The following FBXL17 variants were observed in gnomAD, a reference collection of about 807,000 sequenced individuals.
The protein encoded by FBXL17 is F-box and leucine rich repeat protein 17, also known as F-box/LRR-repeat protein 17.
A neutral mutation model predicts 66.2 loss-of-function variants in FBXL17; 22 were observed. The observed-to-expected ratio is 0.33, with a 90% CI of 0.24 to 0.47. The LOEUF (loss-of-function observed/expected upper bound fraction) is 0.47, where lower values mean the gene tolerates loss of function less well. Among genes scored for constraint, FBXL17 ranks in the 20% least tolerant of loss-of-function variants. The pLI is 1.00. For synonymous variants in FBXL17, 474 were observed against 400.5 expected, an observed-to-expected ratio of 1.18 and a Z score of -2.19; for missense variants, 878 against 948.2, an observed-to-expected ratio of 0.93 and a Z score of 0.97.
At chr5:108,297,798 T>G (rs1758409833) in intron 4 of FBXL17, 1 of 754,350 alleles carries the variant, frequency 1.3e-6, no homozygotes, top group Admixed American at 6.3e-5. Flanking sequence ...TTATTCCAAC[T>G]TAACTCATGC....
chr5:108,299,293 A>T (rs17452357), intron 4 of FBXL17: 151,599 of 984,448 alleles, frequency 0.15, 12,171 homozygotes, highest in Non-Finnish European at 0.16. Flanking sequence ...TCCAAATTAA[A>T]CCTGAGGTTC....
chr5:108,223,839 A>C (rs1397350197), intron 5 of FBXL17, among the ~76,000 whole-genome samples: 1 of 152,078 alleles, frequency 6.6e-6, no homozygotes, highest in Non-Finnish European at 1.5e-5. Context: ...TTCTAAGCAC[A>C]ATATATTAAC....
chr5:107,911,319 G>A (rs183898914), intron 7 of FBXL17, among the ~76,000 whole-genome samples: 14 of 152,088 alleles, frequency 9.2e-5, no homozygotes, highest in Admixed American at 2.0e-4. Flanking sequence ...TTCATGTTTC[G>A]TGTATTAAAA....
chr5:108,380,473 T>C (rs550825178), intron 1 of FBXL17, among the ~76,000 whole-genome samples: 8 of 152,306 alleles, frequency 5.3e-5, no homozygotes, highest in African/African-American at 1.9e-4. Context: ...TGGTGGGTTA[T>C]AGAGTCAAGC....
chr5:107,982,817 C>T (rs1258294643), intron 7 of FBXL17, among the ~76,000 whole-genome samples: 5 of 152,130 alleles, frequency 3.3e-5, no homozygotes, highest in African/African-American at 1.2e-4. Context: ...TCTGGCAGCA[C>T]TTCCATTATA....
chr5:107,936,871 T>G (rs1421237497), intron 7 of FBXL17, among the ~76,000 whole-genome samples: 1 of 152,108 alleles, frequency 6.6e-6, no homozygotes, highest in Non-Finnish European at 1.5e-5. Context: ...AGAAACAAGA[T>G]GAACAGCTTT....
intron 8 of FBXL17, among the ~76,000 whole-genome samples, chr5:107,873,830 G>A (rs970073060): frequency 6.6e-6 from 1 of 152,206 alleles, no homozygotes; most frequent in Non-Finnish European, 1.5e-5. Context: ...GCTCCAGGGT[G>A]CCTTCAGGCA....
rs998460457 is a variant in FBXL17, at chr5:107,859,658, C to A, written c.*2062G>T. ...ATACATTCTGAAACCATTTGACAAC[C>A]AAACTGTAACACTCCAAAGGTTATT... On this transcript the variant is annotated 3_prime_UTR_variant, in exon 9 of 9. Coordinates refer to ENST00000542267, the MANE Select transcript of FBXL17 (RefSeq NM_001163315.3). 7 of 149,832 alleles carry A rather than the reference C, an allele frequency of 4.7e-5. No individual in the cohort carries two copies. Among genetic ancestry groups the A allele is most frequent in the Non-Finnish European group, 1.0e-4 (7 of 67,780 alleles). The allele number at this position is 149,832 out of a possible 1,614,324, so 9.3% of individuals were successfully genotyped here.
At chr5:108,226,144 G>A (rs977777739) in intron 4 of FBXL17, among the ~76,000 whole-genome samples, 1 of 152,012 alleles carries the variant, frequency 6.6e-6, no homozygotes. Context: ...TCACATATTA[G>A]TTTGTCACTC....
At chr5:108,015,039 G>GCCC (rs1754329031) in intron 7 of FBXL17, among the ~76,000 whole-genome samples, 1 of 152,058 alleles carries the variant, frequency 6.6e-6, no homozygotes, top group Non-Finnish European at 1.5e-5. Flanking sequence ...GGAAATTATG[G>GCCC]GAGCTACAAT....
At chr5:108,006,545 C>T (rs1753928660) in intron 7 of FBXL17, among the ~76,000 whole-genome samples, 1 of 152,158 alleles carries the variant, frequency 6.6e-6, no homozygotes, top group South Asian at 2.1e-4. Context: ...AATAAACAGC[C>T]TTCTATTCTG....
intron 8 of FBXL17, among the ~76,000 whole-genome samples, chr5:107,869,206 G>A (rs1226580466): frequency 6.6e-6 from 1 of 152,142 alleles, no homozygotes; most frequent in Admixed American, 6.5e-5. Flanking sequence ...GCTGACTCCT[G>A]GTGGCCCAGA....
At chr5:108,360,086 G>T (rs73216337) in intron 3 of FBXL17, among the ~76,000 whole-genome samples, 1,966 of 151,936 alleles carry the variant, frequency 0.013, 31 homozygotes, top group African/African-American at 0.039. Flanking sequence ...TTAAAACCTG[G>T]TTTTTTTGGA....
intron 6 of FBXL17, among the ~76,000 whole-genome samples, chr5:108,103,027 G>A (rs1287893814): frequency 6.6e-6 from 1 of 152,190 alleles, no homozygotes; most frequent in Non-Finnish European, 1.5e-5. Flanking sequence ...AGTGGGGGAT[G>A]ATATTTGCCA....
At chr5:107,889,664 C>T (rs1749127423) in intron 7 of FBXL17, among the ~76,000 whole-genome samples, 1 of 152,146 alleles carries the variant, frequency 6.6e-6, no homozygotes, top group Non-Finnish European at 1.5e-5. Context: ...TAATGCAAGC[C>T]TTATTTATAG....
intron 4 of FBXL17, among the ~76,000 whole-genome samples, chr5:108,344,692 G>A (rs1036801767): frequency 3.9e-5 from 6 of 152,138 alleles, no homozygotes; most frequent in African/African-American, 1.4e-4. Flanking sequence ...ACCCAAAGAG[G>A]TTCTCTGTCC....
intron 6 of FBXL17, among the ~76,000 whole-genome samples, chr5:108,087,255 T>C (rs73208853): frequency 0.023 from 3,505 of 152,298 alleles, 129 homozygotes; most frequent in African/African-American, 0.08. Context: ...ATACAAGGTA[T>C]TCAACTCAAT....
At chr5:108,185,653 A>G (rs1347560932) in intron 6 of FBXL17, among the ~76,000 whole-genome samples, 1 of 152,098 alleles carries the variant, frequency 6.6e-6, no homozygotes, top group Non-Finnish European at 1.5e-5. Flanking sequence ...GAGCCCAGGA[A>G]TTGTACCTAG....
At chr5:108,372,521 A>G (rs1344890476) in intron 1 of FBXL17, among the ~76,000 whole-genome samples, 2 of 152,222 alleles carry the variant, frequency 1.3e-5, no homozygotes, top group Non-Finnish European at 2.9e-5. Flanking sequence ...GAACCCTGAA[A>G]GCAGCAAGAA....
Sources: gnomAD v4.1 joint callset for allele counts (sites outside exome capture counted in the v4.1 genomes callset) on GRCh38, gnomAD v4.1.1 for gene constraint, MANE v1.5 for transcripts, NCBI Gene and HGNC (gene_info 2026-07-23, HGNC 2026-07-21) for gene names.